The following TBC1D19 variants were observed in gnomAD, a reference collection of about 807,000 sequenced individuals.
TBC1D19 encodes the protein TBC1 domain family, member 19.
TBC1D19 carries 60 observed loss-of-function variants against 89.0 expected under a neutral mutation model. The observed-to-expected ratio is 0.67, with a 90% CI of 0.55 to 0.84. The LOEUF (loss-of-function observed/expected upper bound fraction) is 0.84. TBC1D19 is among the 40% of genes least tolerant of loss of function. The pLI is 0.00. For missense variants in TBC1D19, 500 were observed against 610.8 expected (o/e 0.82, Z 1.91); for synonymous variants, 189 against 199.7 (o/e 0.95, Z 0.45).
At chr4:26,634,226 C>T (rs1043254532) in intron 4 of TBC1D19, among the ~76,000 whole-genome samples, 7 of 152,014 alleles carry the variant, frequency 4.6e-5, no homozygotes, top group African/African-American at 1.4e-4. Context: ...CTCAATCTTC[C>T]GTACATATCA....
rs1334824015 is a variant in TBC1D19 at position 26,584,091 on chromosome 4, T to C, written c.-103T>C. 17 of 1,160,620 alleles carry C rather than the reference T, an allele frequency of 1.5e-5. No individual in the cohort carries two copies. The highest frequency in any genetic ancestry group is 2.1e-5 in the Non-Finnish European group (17 of 801,188). The allele number at this position is 1,160,620 out of a possible 1,614,324, so 71.9% of individuals were successfully genotyped here. A position where few individuals can be genotyped will look rare whatever the true frequency, so the allele number is the denominator to read the frequency against. ...GCCCGCTGGAGGAGTCCCAGTGTAA[T>C]AAGGTCCCGGAGAAGTGTCACTGGC... On this transcript the variant is annotated 5_prime_UTR_variant, in exon 1 of 21. Transcript: ENST00000264866.
At chr4:26,640,058 A>T in intron 6 of TBC1D19, 83 bp from the exon 7 acceptor site, 1 of 942,388 alleles carries the variant, frequency 1.1e-6, no homozygotes, top group Non-Finnish European at 1.7e-6. Context: ...GTATGATAAC[A>T]TGTGAAAGAA....
chr4:26,603,346 G>T (rs868707618), intron 1 of TBC1D19, among the ~76,000 whole-genome samples: 27 of 152,212 alleles, frequency 1.8e-4, no homozygotes, highest in African/African-American at 6.3e-4. Flanking sequence ...AATTATGTAT[G>T]ATACGTAAAA....
At chr4:26,768,957 A>T in the TBC1D19 span, among the ~76,000 whole-genome samples, 5 of 151,960 alleles carry the variant, frequency 3.3e-5, no homozygotes, top group Non-Finnish European at 7.4e-5. Context: ...GTCCAAGAAG[A>T]TCAACAAGCC....
rs764027166 is a variant in TBC1D19 at position 26,739,961 on chromosome 4, T to G, written c.1215T>G (p.Ser405=). The G allele has an allele frequency of 6.3e-7, 1 of 1,576,714 alleles. No individual in the cohort carries two copies. The highest frequency in any genetic ancestry group is 8.6e-7 in the Non-Finnish European group (1 of 1,159,242). The change falls in exon 17 of 21, where the codon TCT becomes TCG. Residue 405 remains serine, a synonymous_variant. Coordinates refer to ENST00000264866, the MANE Select transcript of TBC1D19 (RefSeq NM_018317.4). ...TTTTCTTCAGACTCCATTCCATCTCTTCTCATCCTTCTGTAAGTTCATAAG... is the reference window on the plus strand; with the variant it reads ...TTTTCTTCAGACTCCATTCCATCTCGTCTCATCCTTCTGTAAGTTCATAAG... ...VRFFFRLHSI[S]SHPSGIVSLC...
chr4:26,652,554 G>C (rs1252505250), intron 7 of TBC1D19, among the ~76,000 whole-genome samples: 2 of 152,088 alleles, frequency 1.3e-5, no homozygotes, highest in Admixed American at 1.3e-4. Context: ...GCCTGTTATT[G>C]GTCTATTCAG....
At chr4:26,796,798 C>A in the TBC1D19 span, among the ~76,000 whole-genome samples, 3 of 152,200 alleles carry the variant, frequency 2.0e-5, no homozygotes, top group Non-Finnish European at 4.4e-5. Context: ...AATGATTTTT[C>A]ATGTCTAGAA....
chr4:26,692,993 G>A (rs1016023730), intron 13 of TBC1D19, among the ~76,000 whole-genome samples: 17 of 152,166 alleles, frequency 1.1e-4, no homozygotes, highest in Non-Finnish European at 2.2e-4. Flanking sequence ...GGGCTTGGTG[G>A]TGCATGCCTG....
At chr4:26,842,588 CTTTCTTTCTTT>C in the TBC1D19 span, among the ~76,000 whole-genome samples, 1,468 of 104,776 alleles carry the variant, frequency 0.014, 46 homozygotes, top group Middle Eastern at 0.017. Flanking sequence ...CCCTCCCTTT[CTTTCTTTCTTT>C]CTTTCTTTCT....
chr4:26,782,186 G>A, the TBC1D19 span, among the ~76,000 whole-genome samples: 2,105 of 152,278 alleles, frequency 0.014, 34 homozygotes, highest in Non-Finnish European at 0.02. Flanking sequence ...CCCAAAATTT[G>A]GTTCAGATGT....
chr4:26,596,306 T>C (rs1039744330), intron 1 of TBC1D19, among the ~76,000 whole-genome samples: 2 of 152,184 alleles, frequency 1.3e-5, no homozygotes, highest in Admixed American at 1.3e-4. Context: ...TTTTCTATGC[T>C]TCTGTTGTCT....
chr4:26,676,019 A>T (rs1481679713), intron 11 of TBC1D19, among the ~76,000 whole-genome samples: 1 of 152,214 alleles, frequency 6.6e-6, no homozygotes, highest in Non-Finnish European at 1.5e-5. Flanking sequence ...CATTGTTCAT[A>T]TTTTAAAAAT....
chr4:26,731,664 G>A (rs1041568491), intron 15 of TBC1D19, among the ~76,000 whole-genome samples: 6 of 152,042 alleles, frequency 3.9e-5, no homozygotes, highest in Admixed American at 2.6e-4. Context: ...GAAGGAGTGC[G>A]CAGAAGAGAG....
In TBC1D19 at chr4:26,659,677, TC is replaced by T; in HGVS notation, c.563del (p.Pro188HisfsTer2). ...GGACTCATTTGGGTTTAATTCAAGTTCCACTGAAAGTAAAAGACATCCCTGA... is the reference window on the plus strand; with the variant it reads ...GGACTCATTTGGGTTTAATTCAAGTTCACTGAAAGTAAAAGACATCCCTGA... ...FRTHLGLIQV[P>X]LKVKDIPELK... is the part of the protein sequence containing the mutation. On this transcript the variant is annotated frameshift_variant, in exon 8 of 21. Coordinates refer to ENST00000264866, the MANE Select transcript of TBC1D19 (RefSeq NM_018317.4). LOFTEE classifies it high-confidence loss of function. The T allele has an allele frequency of 6.3e-7, 1 of 1,589,830 alleles. No homozygotes were observed. The highest frequency in any genetic ancestry group is 1.1e-5 in the South Asian group (1 of 87,572).
At chr4:26,678,865 C>T (rs1713082838) in intron 11 of TBC1D19, among the ~76,000 whole-genome samples, 1 of 152,034 alleles carries the variant, frequency 6.6e-6, no homozygotes, top group African/African-American at 2.4e-5. Flanking sequence ...TGACCCAGTC[C>T]CTAGCTTGAC....
chr4:26,741,305 G>A (rs1240488601), intron 17 of TBC1D19, among the ~76,000 whole-genome samples: 1 of 143,914 alleles, frequency 6.9e-6, no homozygotes, highest in Non-Finnish European at 1.5e-5. Context: ...GCAGTGAGCC[G>A]AGATTGCGCC....
At chr4:26,577,469 C>A (rs528564255) in intron 1 of TBC1D19, among the ~76,000 whole-genome samples, 1 of 152,214 alleles carries the variant, frequency 6.6e-6, no homozygotes, top group Admixed American at 6.5e-5. Flanking sequence ...GCCAAACAGT[C>A]CCCTCCTGGG....
intron 1 of TBC1D19, among the ~76,000 whole-genome samples, chr4:26,611,848 T>C (rs1180790249): frequency 6.6e-6 from 1 of 152,050 alleles, no homozygotes; most frequent in East Asian, 1.9e-4. Context: ...TTTATTACTC[T>C]ATCAACATTT....
chr4:26,664,884 C>A (rs1711665179), intron 8 of TBC1D19, among the ~76,000 whole-genome samples: 1 of 151,998 alleles, frequency 6.6e-6, no homozygotes, highest in Non-Finnish European at 1.5e-5. Flanking sequence ...AGTTACAAAC[C>A]CCGTGTTTAA....
Sources: gnomAD v4.1 joint callset for allele counts (sites outside exome capture counted in the v4.1 genomes callset) on GRCh38, gnomAD v4.1.1 for gene constraint, MANE v1.5 for transcripts, NCBI Gene and HGNC (gene_info 2026-07-23, HGNC 2026-07-21) for gene names.